Variants in ADCY5 observed in about 807,000 individuals in gnomAD.
ADCY5 encodes adenylate cyclase type 5.
Under a neutral mutation model 119.7 loss-of-function variants are expected in ADCY5, and 30 were observed. The ratio of observed to expected loss-of-function variants is 0.25; its 90% CI spans 0.19 to 0.34. ADCY5 has a LOEUF of 0.34. Among genes scored for constraint, ADCY5 ranks in the 10% least tolerant of loss-of-function variants. The pLI, the probability that ADCY5 is intolerant of heterozygous loss-of-function variation, is 1.00. For synonymous variants in ADCY5, 753 were observed against 762.2 expected, an observed-to-expected ratio of 0.99 and a Z score of 0.20; for missense variants, 1,324 against 1,775.2, an observed-to-expected ratio of 0.75 and a Z score of 4.57.
chr3:123,322,288 G>C (rs1478001404), intron 8 of ADCY5, among the ~76,000 whole-genome samples: 1 of 152,188 alleles, frequency 6.6e-6, no homozygotes, highest in Non-Finnish European at 1.5e-5. Context: ...CATATATGCT[G>C]GTCTCTATGG....
chr3:123,375,540 G>A (rs1253869276), intron 1 of ADCY5, among the ~76,000 whole-genome samples: 7 of 152,244 alleles, frequency 4.6e-5, no homozygotes, highest in Non-Finnish European at 7.3e-5. Flanking sequence ...GCAATCTGGA[G>A]AATGAGGGAT....
At chr3:123,346,060 T>C (rs1393017240) in intron 3 of ADCY5, among the ~76,000 whole-genome samples, 1 of 152,240 alleles carries the variant, frequency 6.6e-6, no homozygotes, top group African/African-American at 2.4e-5. Context: ...TACAGCCCTC[T>C]TCTTTGCTGT....
In ADCY5 at chr3:123,447,426, A is replaced by T. The variant is rs780813311; in HGVS notation, c.1120T>A (p.Phe374Ile). ...TCGGCCCCTACCTGCTTCAGCAGGA[A>T]CTGGTCCTGGGCGTTGGTGCGCAGG... is the stretch of plus-strand genomic sequence containing the variant. Reference protein sequence around the residue: ...IALRTNAQDQFLLKQLVSNVL... With the variant: ...IALRTNAQDQILLKQLVSNVL... Residue 374 changes from phenylalanine (F) to isoleucine (I), a missense_variant, in exon 1 of 21, where the codon TTC (phenylalanine) becomes ATC (isoleucine). Transcript: ENST00000462833. The T allele has an allele frequency of 1.3e-6, 2 of 1,585,460 alleles. No homozygotes were observed. The highest frequency in any genetic ancestry group is 2.3e-5 in the South Asian group (2 of 87,294).
At chr3:123,374,936 G>C (rs1442812560) in intron 1 of ADCY5, among the ~76,000 whole-genome samples, 1 of 152,190 alleles carries the variant, frequency 6.6e-6, no homozygotes, top group South Asian at 2.1e-4. Flanking sequence ...CACACTGAAG[G>C]GTTGAGAAGT....
chr3:123,343,583 G>T (rs528603472), intron 3 of ADCY5, among the ~76,000 whole-genome samples: 149 of 152,252 alleles, frequency 9.8e-4, no homozygotes, highest in African/African-American at 3.5e-3. Flanking sequence ...GTGGTATGGC[G>T]CCTTCTCTGG....
chr3:123,309,237 C>G (rs1044330247), intron 12 of ADCY5, among the ~76,000 whole-genome samples: 3 of 152,032 alleles, frequency 2.0e-5, no homozygotes, highest in Non-Finnish European at 4.4e-5. Context: ...AATTGGATGG[C>G]AAAACAGTTT....
At chr3:123,338,652 C>T (rs1347153109) in intron 3 of ADCY5, among the ~76,000 whole-genome samples, 1 of 152,214 alleles carries the variant, frequency 6.6e-6, no homozygotes, top group Non-Finnish European at 1.5e-5. Flanking sequence ...GATAGGGCCA[C>T]CCTGGCTGTG....
chr3:123,346,420 G>T (rs911124839), intron 3 of ADCY5, among the ~76,000 whole-genome samples: 1 of 152,162 alleles, frequency 6.6e-6, no homozygotes, highest in Admixed American at 6.5e-5. Context: ...CCAAAACTGG[G>T]GGCCAATGTG....
rs561895780 is a variant in ADCY5 at position 123,413,067 on chromosome 3, C to T, written c.1134+34345G>A. Among the ~76,000 whole-genome samples, 6 of 152,334 alleles carry T rather than the reference C, an allele frequency of 3.9e-5. No individual in the cohort carries two copies. The East Asian group carries it at 5.8e-4, about 15-fold the overall frequency. On this transcript the variant is annotated intron_variant, in intron 1 of 20. Transcript: ENST00000462833. ...TCCTCAGCAGACACAGGCTTCATGACGCCGGCTCCTCCGGGACGGGACCAG... is the reference window on the plus strand; with the variant it reads ...TCCTCAGCAGACACAGGCTTCATGATGCCGGCTCCTCCGGGACGGGACCAG...
intron 2 of ADCY5, among the ~76,000 whole-genome samples, chr3:123,348,470 G>A (rs1175433520): frequency 3.9e-5 from 6 of 152,140 alleles, no homozygotes; most frequent in Non-Finnish European, 7.4e-5. Flanking sequence ...GGTCTGGGGT[G>A]CCACTATGGG....
Position 123,345,769 on chromosome 3 carries a change from G to GACAGACACACACAC in ADCY5, c.1406+2012_1406+2013insGTGTGTGTGTCTGT, listed in dbSNP as rs57198270. Among the ~76,000 whole-genome samples, 55 of 113,828 alleles carry GACAGACACACACAC rather than the reference G, an allele frequency of 4.8e-4. 1 individual carries two copies. In the East Asian group the frequency reaches 9.7e-3, roughly 20 times the overall value. The allele number at this position is 113,828 out of a possible 152,430, so 74.7% of individuals were successfully genotyped here. The stretch of plus-strand genomic sequence containing the variant: ...AGACAGACAGACAGACAGACAGACA[G>GACAGACACACACAC]ACACACACACACACACACACACACA... On this transcript the variant is annotated intron_variant, in intron 3 of 20. Coordinates refer to ENST00000462833, the MANE Select transcript of ADCY5 (RefSeq NM_183357.3).
At chr3:123,393,112 C>T (rs540743677) in intron 1 of ADCY5, among the ~76,000 whole-genome samples, 1 of 152,290 alleles carries the variant, frequency 6.6e-6, no homozygotes, top group East Asian at 1.9e-4. Context: ...TGCCCCGACA[C>T]ACACTGTACC....
At chr3:123,326,767 C>A (rs1039037732) in intron 7 of ADCY5, among the ~76,000 whole-genome samples, 1 of 152,214 alleles carries the variant, frequency 6.6e-6, no homozygotes, top group Non-Finnish European at 1.5e-5. Flanking sequence ...CCCTGGGGTA[C>A]TGCATGGTAG....
intron 1 of ADCY5, among the ~76,000 whole-genome samples, chr3:123,409,538 AAGC>A (rs939627956): frequency 6.6e-6 from 1 of 152,114 alleles, no homozygotes; most frequent in Non-Finnish European, 1.5e-5. Flanking sequence ...TAGGTAAGGG[AAGC>A]ACCACCAAAA....
chr3:123,324,469 C>G (rs1330041048), intron 8 of ADCY5, among the ~76,000 whole-genome samples: 6 of 126,202 alleles, frequency 4.8e-5, no homozygotes, highest in East Asian at 4.7e-4. Context: ...CACACACACA[C>G]AGTCCCTGTG....
chr3:123,385,768 G>A (rs186702080), intron 1 of ADCY5, among the ~76,000 whole-genome samples: 2 of 152,296 alleles, frequency 1.3e-5, no homozygotes, highest in Admixed American at 6.5e-5. Flanking sequence ...GTAATCAAGA[G>A]CTGCAGAGTT....
chr3:123,304,602 G>A (rs572050646), intron 12 of ADCY5, among the ~76,000 whole-genome samples: 10 of 152,052 alleles, frequency 6.6e-5, no homozygotes, highest in Admixed American at 2.6e-4. Flanking sequence ...GGGAGGGAGT[G>A]GGCAGCGGTG....
intron 2 of ADCY5, among the ~76,000 whole-genome samples, chr3:123,349,401 C>A (rs1942728421): frequency 6.6e-6 from 1 of 152,214 alleles, no homozygotes; most frequent in Non-Finnish European, 1.5e-5. Flanking sequence ...CTTGTCCTTT[C>A]TGTTCTGTGC....
At chr3:123,422,149 A>G (rs748294005) in intron 1 of ADCY5, among the ~76,000 whole-genome samples, 8 of 152,140 alleles carry the variant, frequency 5.3e-5, no homozygotes, top group Non-Finnish European at 1.0e-4. Flanking sequence ...GGGGCACTTG[A>G]AGGGTTCTGC....
Sources: allele counts gnomAD v4.1 joint callset (sites outside exome capture counted in the v4.1 genomes callset), GRCh38; gene constraint gnomAD v4.1.1; transcripts MANE v1.5; gene names NCBI Gene and HGNC (gene_info 2026-07-23, HGNC 2026-07-21).